The following LRRK2 variants were observed in gnomAD, a reference collection of about 807,000 sequenced individuals.
LRRK2 encodes the protein leucine rich repeat kinase 2.
Under a neutral mutation model 302.6 loss-of-function variants are expected in LRRK2, and 203 were observed. The ratio of observed to expected loss-of-function variants is 0.67; its 90% confidence interval spans 0.60 to 0.75. The LOEUF (loss-of-function observed/expected upper bound fraction) is 0.75, where lower values mean the gene tolerates loss of function less well. Among genes scored for constraint, LRRK2 ranks in the 30% least tolerant of loss-of-function variants. The pLI is 0.00. For synonymous variants in LRRK2, 1,066 were observed against 1,031.9 expected, an observed-to-expected ratio of 1.03 and a Z score of -0.63; for missense variants, 2,830 against 2,951.0, an observed-to-expected ratio of 0.96 and a Z score of 0.95.
intron 19 of LRRK2, among the ~76,000 whole-genome samples, chr12:40,285,620 A>G (rs1275014067): frequency 6.6e-6 from 1 of 152,094 alleles, no homozygotes; most frequent in Non-Finnish European, 1.5e-5. Flanking sequence ...CACAAAAATT[A>G]TGTACAAAAA....
intron 43 of LRRK2, 28 bp downstream of exon 43, chr12:40,348,537 G>C: frequency 6.9e-7 from 1 of 1,439,084 alleles, no homozygotes; most frequent in Non-Finnish European, 9.8e-7. Flanking sequence ...TTAATATTTT[G>C]TACAGAACAT....
intron 40 of LRRK2, among the ~76,000 whole-genome samples, chr12:40,338,058 G>T (rs1266877313): frequency 4.6e-5 from 7 of 152,186 alleles, no homozygotes; most frequent in African/African-American, 1.7e-4. Flanking sequence ...TGACTTAGGT[G>T]CTAAAGAGGG....
At chr12:40,302,683 G>T (rs1944674801) in intron 25 of LRRK2, 106 bp from the exon 26 acceptor site, 1 of 823,976 alleles carries the variant, frequency 1.2e-6, no homozygotes, top group African/African-American at 1.7e-5. Context: ...GTGTGAGAAT[G>T]GAAATCAAAT....
chr12:40,261,727 T>A (rs893162229), intron 13 of LRRK2, among the ~76,000 whole-genome samples: 5 of 152,112 alleles, frequency 3.3e-5, no homozygotes, highest in African/African-American at 1.2e-4. Flanking sequence ...TAAGTTGAGG[T>A]TCTTATGAGA....
At chr12:40,272,115 T>TA (rs1943254381) in intron 14 of LRRK2, among the ~76,000 whole-genome samples, 1 of 152,182 alleles carries the variant, frequency 6.6e-6, no homozygotes, top group East Asian at 1.9e-4. Flanking sequence ...TGAAAATTAT[T>TA]AACGATTTTA....
chr12:40,325,605 A>G (rs1945525533), intron 38 of LRRK2, among the ~76,000 whole-genome samples: 1 of 152,192 alleles, frequency 6.6e-6, no homozygotes, highest in South Asian at 2.1e-4. Flanking sequence ...TGCCAAAGAT[A>G]AGGGGTGGGG....
At chr12:40,296,709 T>C (rs1208280219) in intron 23 of LRRK2, among the ~76,000 whole-genome samples, 1 of 152,180 alleles carries the variant, frequency 6.6e-6, no homozygotes. Context: ...TGAGATGTTT[T>C]AAAGGCAACA....
Position 40,257,279 on chromosome 12 carries a change from A to C in LRRK2, c.1320A>C (p.Gly440=). ...TCAGAAAAATACTGTTATCAAAAGG[A>C]ATACACCTGAATGTTTTGGAGTTAA... ...VNFRKILLSK[G]IHLNVLELMQ... The change falls in exon 12 of 51, where the codon GGA becomes GGC. Residue 440 remains glycine, a synonymous_variant. Transcript: ENST00000298910. 6.3e-7 allele frequency: 1 copy of C among 1,587,288 alleles called. No individual in the cohort carries two copies. The highest frequency in any genetic ancestry group is 8.7e-7 in the Non-Finnish European group (1 of 1,155,972).
chr12:40,235,785 G>GTT, intron 4 of LRRK2, 71 bp downstream of exon 4: 1 of 644,382 alleles, frequency 1.6e-6, no homozygotes. Flanking sequence ...GTAAATGTGT[G>GTT]TGTGTGTGTT....
At chr12:40,270,125 G>T (rs1398324608) in intron 14 of LRRK2, among the ~76,000 whole-genome samples, 1 of 152,074 alleles carries the variant, frequency 6.6e-6, no homozygotes, top group Non-Finnish European at 1.5e-5. Context: ...TCAGTATAAT[G>T]CTTGGCACAT....
chr12:40,264,168 A>G (rs915002021), intron 14 of LRRK2, among the ~76,000 whole-genome samples: 2 of 152,198 alleles, frequency 1.3e-5, no homozygotes, highest in Non-Finnish European at 2.9e-5. Context: ...TAGTTTGCTC[A>G]ACCAGAAAGA....
At chr12:40,356,071 C>T (rs527933779) in intron 45 of LRRK2, 44 bp from the exon 46 acceptor site, 2 of 1,371,236 alleles carry the variant, frequency 1.5e-6, no homozygotes, top group Non-Finnish European at 2.1e-6. Flanking sequence ...TTTTAGTCAA[C>T]ATACATGTTC....
intron 16 of LRRK2, among the ~76,000 whole-genome samples, chr12:40,275,420 A>G (rs1404434005): frequency 6.6e-6 from 1 of 152,158 alleles, no homozygotes. Context: ...TTTTTCATCA[A>G]GCAAAATTTA....
At chr12:40,266,447 A>G (rs1943018228) in intron 14 of LRRK2, among the ~76,000 whole-genome samples, 1 of 152,226 alleles carries the variant, frequency 6.6e-6, no homozygotes, top group African/African-American at 2.4e-5. Flanking sequence ...CAAAACCACA[A>G]TGATATACCA....
chr12:40,305,936 A>G lies in LRRK2; in HGVS notation c.3929A>G (p.His1310Arg), dbSNP rs1183390560. 1.2e-6 allele frequency: 2 copies of G among 1,611,762 alleles called. No homozygotes were observed. Among genetic ancestry groups the G allele is most frequent in the Non-Finnish European group, 1.7e-6 (2 of 1,178,482 alleles). Residue 1310 changes from histidine to arginine, a missense_variant, in exon 28 of 51, where the codon CAT (histidine) becomes CGT (arginine). Physicochemically the swap from His to Arg is conservative, Grantham distance 29. Around this residue, in one of 3 missense-constraint regions of LRRK2, gnomAD observed 2,121 missense variants for 2,148.0 expected, o/e 0.99. Coordinates refer to ENST00000298910, the MANE Select transcript of LRRK2 (RefSeq NM_198578.4). ...DELHLNFDFKHIGCKAKDIIR... is the reference protein window; with the variant it reads ...DELHLNFDFKRIGCKAKDIIR... The stretch of plus-strand genomic sequence containing the variant: ...CTGCATCTTAACTTTGATTTTAAAC[A>G]TATAGGATGTAAAGCCAAAGACATC...
intron 13 of LRRK2, among the ~76,000 whole-genome samples, chr12:40,262,085 TAGAGG>T (rs1348311270): frequency 2.0e-5 from 3 of 152,130 alleles, no homozygotes; most frequent in South Asian, 2.1e-4. Flanking sequence ...GGGAAGTATA[TAGAGG>T]AGAGTGATTA....
At chr12:40,355,561 T>G (rs1474952186) in intron 45 of LRRK2, among the ~76,000 whole-genome samples, 2 of 96,296 alleles carry the variant, frequency 2.1e-5, no homozygotes, top group Non-Finnish European at 4.6e-5. Flanking sequence ...TTTTTTTTTT[T>G]GAAGGAGTTT....
In LRRK2 at chr12:40,225,114, T is replaced by C. The variant is rs1182013656; in HGVS notation, c.-18T>C. On this transcript the variant is annotated 5_prime_UTR_variant, in exon 1 of 51. Coordinates refer to ENST00000298910, the MANE Select transcript of LRRK2 (RefSeq NM_198578.4). ...ACGTTCATGCTGGGAGGGCGGCGGG[T>C]TGGAAGCAGGTGCCACCATGGCTAG... 12 of 1,612,740 alleles carry C rather than the reference T, an allele frequency of 7.4e-6. No individual in the cohort carries two copies. The highest frequency in any genetic ancestry group is 1.0e-5 in the Non-Finnish European group (12 of 1,179,846).
At chr12:40,324,199 G>A (rs1945482415) in intron 38 of LRRK2, among the ~76,000 whole-genome samples, 1 of 151,804 alleles carries the variant, frequency 6.6e-6, no homozygotes, top group Non-Finnish European at 1.5e-5. Flanking sequence ...TGGCTCCTCG[G>A]TTATCATTTT....
Sources: allele counts gnomAD v4.1 joint callset (sites outside exome capture counted in the v4.1 genomes callset), GRCh38; gene constraint gnomAD v4.1.1; regional missense constraint gnomAD v4.1.1; transcripts MANE v1.5; gene names NCBI Gene and HGNC (gene_info 2026-07-23, HGNC 2026-07-21).